Variants in PIBF1 observed in about 807,000 individuals in gnomAD.
The protein encoded by PIBF1 is progesterone immunomodulatory binding factor 1, also known as progesterone-induced-blocking factor 1.
A neutral mutation model predicts 112.5 loss-of-function variants in PIBF1; 90 were observed. The ratio of observed to expected loss-of-function variants is 0.80; its 90% CI spans 0.67 to 0.95. PIBF1 has a LOEUF of 0.95. Ranked by LOEUF, PIBF1 falls within the 40% of genes least tolerant of loss-of-function variation. PIBF1 has a pLI of 0.00. For synonymous variants in PIBF1, 301 were observed against 288.6 expected, an observed-to-expected ratio of 1.04 and a Z score of -0.44; for missense variants, 915 against 852.3, an observed-to-expected ratio of 1.07 and a Z score of -0.92.
At chr13:72,824,606 T>C (rs2036716734) in intron 6 of PIBF1, among the ~76,000 whole-genome samples, 1 of 152,130 alleles carries the variant, frequency 6.6e-6, no homozygotes, top group Non-Finnish European at 1.5e-5. Flanking sequence ...AAGCAATAAA[T>C]GTATATGCAT....
At chr13:72,997,292 A>G (rs1320583295) in intron 16 of PIBF1, among the ~76,000 whole-genome samples, 4 of 152,228 alleles carry the variant, frequency 2.6e-5, no homozygotes, top group African/African-American at 9.6e-5. Context: ...CCATAACACC[A>G]TACCCATTTG....
chr13:72,852,370 C>T (rs77347307), intron 9 of PIBF1, among the ~76,000 whole-genome samples: 85 of 152,314 alleles, frequency 5.6e-4, no homozygotes, highest in African/African-American at 1.5e-3. Flanking sequence ...AGCCTGGAGC[C>T]GCCTACCCCA....
At chr13:72,844,778 C>CTGTTT (rs1475107280) in intron 9 of PIBF1, among the ~76,000 whole-genome samples, 2 of 134,674 alleles carry the variant, frequency 1.5e-5, no homozygotes, top group South Asian at 2.4e-4. Context: ...CACACACACA[C>CTGTTT]ACACACACAC....
intron 9 of PIBF1, among the ~76,000 whole-genome samples, chr13:72,844,764 C>CTGTTT (rs368403113): frequency 9.3e-6 from 1 of 107,898 alleles, no homozygotes; most frequent in African/African-American, 3.4e-5. Context: ...CACACACACA[C>CTGTTT]ACACACACAC....
chr13:72,974,064 A>G, intron 16 of PIBF1: 1 of 217,722 alleles, frequency 4.6e-6, no homozygotes, highest in Non-Finnish European at 8.9e-6. Flanking sequence ...TCTTTTCTTC[A>G]TTTGTTCCCT....
intron 16 of PIBF1, chr13:72,974,077 C>A: frequency 5.0e-6 from 1 of 199,840 alleles, no homozygotes; most frequent in Non-Finnish European, 1.0e-5. Context: ...TGTTCCCTAC[C>A]AAAATTCTTT....
At chr13:72,875,239 TC>T (rs2039345629) in intron 10 of PIBF1, among the ~76,000 whole-genome samples, 2 of 152,200 alleles carry the variant, frequency 1.3e-5, no homozygotes, top group Non-Finnish European at 2.9e-5. Flanking sequence ...ACTTCATAGC[TC>T]ATATCTTTCA....
chr13:72,928,028 T>TATATATATATATATACATATATATAC (rs1594213982), intron 13 of PIBF1, among the ~76,000 whole-genome samples: 23 of 58,854 alleles, frequency 3.9e-4, no homozygotes, highest in Admixed American at 2.4e-3. Flanking sequence ...TATATATACA[T>TATATATATATATATACATATATATAC]ATATATATAT....
intron 14 of PIBF1, among the ~76,000 whole-genome samples, chr13:72,937,414 C>G (rs1304878301): frequency 1.3e-5 from 2 of 152,118 alleles, no homozygotes; most frequent in Non-Finnish European, 2.9e-5. Context: ...GTATAAGAAC[C>G]TTACAACAGT....
intron 17 of PIBF1, among the ~76,000 whole-genome samples, chr13:73,001,601 G>A (rs367798095): frequency 1.7e-3 from 13 of 7,444 alleles, no homozygotes; most frequent in Non-Finnish European, 3.5e-3. Flanking sequence ...TTTTTTTTTT[G>A]ACACTTAGGT....
chr13:72,859,003 A>G (rs1045224658), intron 10 of PIBF1, among the ~76,000 whole-genome samples: 3 of 149,670 alleles, frequency 2.0e-5, no homozygotes, highest in African/African-American at 7.2e-5. Context: ...TAAGCAAATT[A>G]CTTGACTTTT....
At position 72,973,654 on chromosome 13, in the gene PIBF1, A is replaced by G. The variant is rs752716803; in HGVS notation, c.2028A>G (p.Glu676=). ...QTKNQMALDL[E]QLLNHREELA... Reference sequence around the variant, plus strand: ...AGAATCAAATGGCATTAGATTTAGAACAACTTCTAAATCATCGTGAGGTAT... The same window carrying G: ...AGAATCAAATGGCATTAGATTTAGAGCAACTTCTAAATCATCGTGAGGTAT... The change falls in exon 16 of 18, where the codon GAA becomes GAG. Residue 676 remains glutamate, a synonymous_variant. Transcript: ENST00000326291. 1 of 1,571,434 alleles carries G rather than the reference A, an allele frequency of 6.4e-7. No individual in the cohort carries two copies. Among genetic ancestry groups the G allele is most frequent in the Non-Finnish European group, 8.7e-7 (1 of 1,150,800 alleles).
chr13:73,006,170 C>T (rs573256741), intron 17 of PIBF1, among the ~76,000 whole-genome samples: 2 of 152,160 alleles, frequency 1.3e-5, no homozygotes, highest in African/African-American at 4.8e-5. Flanking sequence ...CTGCCCACCT[C>T]GGCCTCCCAA....
At chr13:72,948,581 T>C (rs1359737303) in intron 14 of PIBF1, among the ~76,000 whole-genome samples, 1 of 152,204 alleles carries the variant, frequency 6.6e-6, no homozygotes, top group Non-Finnish European at 1.5e-5. Flanking sequence ...TTTTCAAGTA[T>C]CTTCACATCA....
chr13:73,004,992 C>G (rs753339137), intron 17 of PIBF1, among the ~76,000 whole-genome samples: 2 of 152,160 alleles, frequency 1.3e-5, no homozygotes, highest in Non-Finnish European at 1.5e-5. Flanking sequence ...GGAGACCAGC[C>G]TGACCAACAT....
intron 10 of PIBF1, among the ~76,000 whole-genome samples, chr13:72,885,399 T>G (rs978036796): frequency 1.3e-5 from 2 of 152,162 alleles, no homozygotes; most frequent in African/African-American, 2.4e-5. Flanking sequence ...TTTTAATGTT[T>G]TCTATCCTGG....
At chr13:72,876,593 A>G (rs1237569050) in intron 10 of PIBF1, among the ~76,000 whole-genome samples, 2 of 152,036 alleles carry the variant, frequency 1.3e-5, no homozygotes, top group African/African-American at 4.8e-5. Flanking sequence ...TTATTCTTTG[A>G]TTGTCTTATC....
At chr13:72,992,956 A>G (rs550081246) in intron 16 of PIBF1, among the ~76,000 whole-genome samples, 4 of 152,336 alleles carry the variant, frequency 2.6e-5, no homozygotes, top group South Asian at 2.1e-4. Flanking sequence ...TGGGGGAAAA[A>G]CAAATTCTGG....
At chr13:72,936,913 A>ATACTG (rs2041885946) in intron 14 of PIBF1, among the ~76,000 whole-genome samples, 1 of 152,180 alleles carries the variant, frequency 6.6e-6, no homozygotes, top group Non-Finnish European at 1.5e-5. Context: ...ACCCATGAAC[A>ATACTG]TACTGTATCT....
Sources: allele counts gnomAD v4.1 joint callset (sites outside exome capture counted in the v4.1 genomes callset), GRCh38; gene constraint gnomAD v4.1.1; transcripts MANE v1.5; gene names NCBI Gene and HGNC (gene_info 2026-07-23, HGNC 2026-07-21).